DENND1B: variants seen among roughly 807,000 people sequenced by gnomAD.
The protein encoded by DENND1B is DENN domain-containing protein 1B.
In DENND1B, 59 loss-of-function variants were observed where a neutral mutation model predicts 90.1. The observed-to-expected ratio is 0.65, with a 90% CI of 0.53 to 0.81. DENND1B has a LOEUF of 0.81. DENND1B is among the 40% of genes least tolerant of loss of function. The pLI is 0.00. For synonymous variants in DENND1B, 337 were observed against 324.6 expected (o/e 1.04, Z -0.41); for missense variants, 862 against 912.6 (o/e 0.94, Z 0.71).
intron 15 of DENND1B, among the ~76,000 whole-genome samples, chr1:197,556,342 T>C (rs940907650): frequency 6.6e-6 from 1 of 151,998 alleles, no homozygotes; most frequent in Admixed American, 6.6e-5. Context: ...CATATGTACC[T>C]CTGAGTCTAA....
chr1:197,529,264 G>GTATATA (rs1558206003), intron 20 of DENND1B, among the ~76,000 whole-genome samples: 13 of 52,554 alleles, frequency 2.5e-4, no homozygotes, highest in Admixed American at 4.8e-4. Context: ...GTGTGTGTGT[G>GTATATA]TGTGTATATG....
chr1:197,664,382 A>G (rs1200891822), intron 5 of DENND1B, among the ~76,000 whole-genome samples: 1 of 152,134 alleles, frequency 6.6e-6, no homozygotes, highest in Non-Finnish European at 1.5e-5. Context: ...ACATATATAA[A>G]TGTAAAACAT....
At chr1:197,642,455 T>C (rs140377646) in intron 10 of DENND1B, among the ~76,000 whole-genome samples, 76 of 152,058 alleles carry the variant, frequency 5.0e-4, no homozygotes, top group African/African-American at 1.8e-3. Flanking sequence ...TAAAATGAAC[T>C]CTGGAGAGTT....
chr1:197,747,135 T>C (rs1206138564), intron 2 of DENND1B: 1 of 767,786 alleles, frequency 1.3e-6, no homozygotes, highest in Non-Finnish European at 2.3e-6. Context: ...ATTTATCTTT[T>C]CTGGAGCGTT....
At chr1:197,707,207 A>T (rs1268958189) in intron 3 of DENND1B, among the ~76,000 whole-genome samples, 2 of 152,160 alleles carry the variant, frequency 1.3e-5, no homozygotes, top group Non-Finnish European at 2.9e-5. Context: ...AAGCTTAAAA[A>T]ATTGATCTCA....
At chr1:197,745,898 C>T (rs1018294352) in intron 2 of DENND1B, among the ~76,000 whole-genome samples, 24 of 151,870 alleles carry the variant, frequency 1.6e-4, no homozygotes, top group African/African-American at 4.8e-4. Flanking sequence ...TAGTAAATTG[C>T]TTTTACTATG....
At chr1:197,667,422 A>C (rs1179469336) in intron 5 of DENND1B, among the ~76,000 whole-genome samples, 1 of 151,724 alleles carries the variant, frequency 6.6e-6, no homozygotes, top group East Asian at 1.9e-4. Flanking sequence ...CATTCTTTTT[A>C]TTTTTATTTA....
chr1:197,555,702 G>C (rs373619815), intron 15 of DENND1B, among the ~76,000 whole-genome samples: 13 of 151,838 alleles, frequency 8.6e-5, no homozygotes, highest in East Asian at 5.8e-4. Flanking sequence ...AAGTCAAAAA[G>C]TAACAGATGT....
intron 10 of DENND1B, among the ~76,000 whole-genome samples, chr1:197,631,901 C>T (rs896644750): frequency 2.0e-5 from 3 of 151,920 alleles, no homozygotes; most frequent in Admixed American, 6.6e-5. Context: ...CAAGAACTGT[C>T]CCCTTATAAA....
intron 20 of DENND1B, among the ~76,000 whole-genome samples, chr1:197,529,272 A>ATATGTATATATATGTG (rs1669432007): frequency 1.9e-4 from 2 of 10,700 alleles, no homozygotes; most frequent in Admixed American, 2.6e-3. Flanking sequence ...GTGTGTGTAT[A>ATATGTATATATATGTG]TGTATATATG....
At chr1:197,536,265 G>A (rs57589685) in intron 20 of DENND1B, among the ~76,000 whole-genome samples, 4,016 of 151,972 alleles carry the variant, frequency 0.026, 177 homozygotes, top group African/African-American at 0.09. Flanking sequence ...TAATCCTACC[G>A]GAAGCCTAGA....
intron 2 of DENND1B, among the ~76,000 whole-genome samples, chr1:197,745,616 T>TA (rs1553341813): frequency 7.0e-5 from 5 of 71,812 alleles, no homozygotes; most frequent in Admixed American, 2.6e-4. Context: ...CATATATATA[T>TA]TATATATATA....
intron 2 of DENND1B, among the ~76,000 whole-genome samples, chr1:197,751,609 C>T (rs1391057775): frequency 5.9e-5 from 9 of 152,004 alleles, no homozygotes; most frequent in Admixed American, 5.9e-4. Flanking sequence ...TTTGGGAGGC[C>T]GAGGTGGGTG....
intron 2 of DENND1B, among the ~76,000 whole-genome samples, chr1:197,742,180 C>T (rs762704294): frequency 6.6e-6 from 1 of 152,042 alleles, no homozygotes; most frequent in Non-Finnish European, 1.5e-5. Flanking sequence ...TCATAAAATG[C>T]TTTATGTTAT....
At chr1:197,514,749 C>A (rs1202940077) in intron 20 of DENND1B, among the ~76,000 whole-genome samples, 2 of 151,274 alleles carry the variant, frequency 1.3e-5, no homozygotes, top group Non-Finnish European at 3.0e-5. Context: ...CCATCTGTTA[C>A]CAGTGGTAGC....
chr1:197,539,823 C>A, intron 20 of DENND1B, 141 bp downstream of exon 20: 1 of 649,324 alleles, frequency 1.5e-6, no homozygotes. Flanking sequence ...TTCCCAGGTT[C>A]CACTAACTCC....
intron 20 of DENND1B, among the ~76,000 whole-genome samples, chr1:197,528,059 TAC>T (rs1669273106): frequency 6.6e-6 from 1 of 152,200 alleles, no homozygotes; most frequent in Admixed American, 6.5e-5. Flanking sequence ...GTTTCATAAA[TAC>T]AATACTATAA....
chr1:197,618,644 C>T (rs1246380618), intron 10 of DENND1B, among the ~76,000 whole-genome samples: 1 of 150,952 alleles, frequency 6.6e-6, no homozygotes, highest in Non-Finnish European at 1.5e-5. Flanking sequence ...AATTATATTT[C>T]TGTAGATGTA....
At chr1:197,779,757 CTTTAA>C (rs1015582693), upstream of DENND1B, among the ~76,000 whole-genome samples, 1 of 151,358 alleles carries the variant, frequency 6.6e-6, no homozygotes, top group Admixed American at 6.6e-5. Context: ...TTCAGCATCT[CTTTAA>C]TTTATTAAAA....
Sources: allele counts gnomAD v4.1 joint callset (sites outside exome capture counted in the v4.1 genomes callset), GRCh38; gene constraint gnomAD v4.1.1; transcripts MANE v1.5; gene names NCBI Gene and HGNC (gene_info 2026-07-23, HGNC 2026-07-21).